The following CLEC11A variants were observed in gnomAD, a reference collection of about 807,000 sequenced individuals.
CLEC11A encodes the protein C-type lectin domain family 11 member A.
In CLEC11A, 35 loss-of-function variants were observed where a neutral mutation model predicts 33.9. The ratio of observed to expected loss-of-function variants is 1.03; its 90% CI spans 0.79 to 1.37. The LOEUF (loss-of-function observed/expected upper bound fraction) is 1.37, where lower values mean the gene tolerates loss of function less well. Among genes scored for constraint, CLEC11A ranks in the 40% most tolerant of loss-of-function variants. The probability of loss-of-function intolerance (pLI) is 0.00; values close to 1 mark genes in which losing one functional copy is unlikely to be tolerated. For synonymous variants in CLEC11A, 220 were observed against 202.2 expected (o/e 1.09, Z -0.75); for missense variants, 519 against 455.5 (o/e 1.14, Z -1.27).
rs1272015745 is a variant in CLEC11A, at chr19:50,724,980, A to C, written c.527-42A>C. On this transcript the variant is annotated intron_variant, in intron 3 of 3. Transcript: ENST00000250340. The surrounding 1 kb of genome is among the most constrained non-coding windows in gnomAD (Gnocchi z 4.1). The stretch of plus-strand genomic sequence containing the variant: ...GTCCTCGCCCCCTTCCAGACTCTGA[A>C]TGCATGACCCCGCCTCCTTCTCTAC... 12 of 1,439,306 alleles carry C rather than the reference A, an allele frequency of 8.3e-6. No homozygotes were observed. Among genetic ancestry groups the C allele is most frequent in the Non-Finnish European group, 1.0e-5 (11 of 1,099,674 alleles). The allele number at this position is 1,439,306 out of a possible 1,614,324, so 89.2% of individuals were successfully genotyped here.
At position 50,724,764 on chromosome 19, in the gene CLEC11A, G is replaced by A. The variant is rs555466506; in HGVS notation, c.526+163G>A. 2.6e-5 allele frequency among the ~76,000 whole-genome samples: 4 copies of A among 152,110 alleles called. No homozygotes were observed. The highest frequency in any genetic ancestry group is 2.6e-4 in the Admixed American group (4 of 15,304). Reference sequence around the variant, plus strand: ...GCTGGGAGGCTGAATGCAGGGAGCGGGTGGGCACTCCAGACCCGCGCGGAC... The same window carrying A: ...GCTGGGAGGCTGAATGCAGGGAGCGAGTGGGCACTCCAGACCCGCGCGGAC... On this transcript the variant is annotated intron_variant, in intron 3 of 3. Coordinates refer to ENST00000250340, the MANE Select transcript of CLEC11A (RefSeq NM_002975.3). This position sits in a 1 kb window ranked among gnomAD's most constrained non-coding sequence, Gnocchi z 4.1.
rs2089174637 is a variant in CLEC11A at position 50,725,084 on chromosome 19, C to G, written c.589C>G (p.Gln197Glu). The change falls in exon 4 of 4, where the codon CAG becomes GAG. Residue 197 changes from glutamine to glutamate, a missense_variant. By Grantham distance (29) the Gln-to-Glu change is conservative. Transcript: ENST00000250340. ...CFLLSRDFEAQAAAQARCTAR... is the reference protein window; with the variant it reads ...CFLLSRDFEAEAAAQARCTAR... ...CCTGCTCTCGCGCGACTTCGAAGCT[C>G]AGGCGGCGGCGCAGGCGCGGTGCAC... 9 of 1,521,880 alleles carry G rather than the reference C, an allele frequency of 5.9e-6. No homozygotes were observed. The highest frequency in any genetic ancestry group is 1.4e-5 in the African/African-American group (1 of 70,918). The allele number at this position is 1,521,880 out of a possible 1,614,324, so 94.3% of individuals were successfully genotyped here. A position where few individuals can be genotyped will look rare whatever the true frequency, so the allele number is the denominator to read the frequency against.
Position 50,723,673 on chromosome 19 carries a change from G to A in CLEC11A, c.147+1G>A. 6.3e-7 allele frequency: 1 copy of A among 1,580,572 alleles called. No homozygotes were observed. Among genetic ancestry groups the A allele is most frequent in the Non-Finnish European group, 8.6e-7 (1 of 1,165,118 alleles). Reference sequence around the variant, plus strand: ...GGAGAGGGAGGCCCTGATGCTGAAGGTGAGCTCTGGAGTGTCAGGGAGCTA... The same window carrying A: ...GGAGAGGGAGGCCCTGATGCTGAAGATGAGCTCTGGAGTGTCAGGGAGCTA... On this transcript the variant is annotated splice_donor_variant, in intron 1 of 3. Transcript: ENST00000250340. LOFTEE classifies it high-confidence loss of function. The surrounding 1 kb of genome is among the most constrained non-coding windows in gnomAD (Gnocchi z 4.1).
In CLEC11A at chr19:50,725,293, C is replaced by G; in HGVS notation, c.798C>G (p.Arg266=). Residue 266 remains arginine (R), a synonymous_variant, in exon 4 of 4, where the codon CGC becomes CGG. Coordinates refer to ENST00000250340, the MANE Select transcript of CLEC11A (RefSeq NM_002975.3). ...GCGTGTCCTTCTTCGCCTGGCATCGCTCACCCCGCCCCGAGCTCGGCGCCC... is the reference window on the plus strand; with the variant it reads ...GCGTGTCCTTCTTCGCCTGGCATCGGTCACCCCGCCCCGAGCTCGGCGCCC... The part of the protein sequence containing the change: ...GQRVSFFAWH[R]SPRPELGAQP... The G allele has an allele frequency of 1.9e-6, 3 of 1,612,094 alleles. No homozygotes were observed. Among genetic ancestry groups the G allele is most frequent in the Non-Finnish European group, 2.5e-6 (3 of 1,179,494 alleles).
chr19:50,724,459 T>A lies in CLEC11A; in HGVS notation c.384T>A (p.Arg128=). The A allele has an allele frequency of 6.4e-7, 1 of 1,569,894 alleles. No individual in the cohort carries two copies. Among genetic ancestry groups the A allele is most frequent in the South Asian group, 1.1e-5 (1 of 87,616 alleles). ...LDAGLHQLHV[R]LHALDTRVVE... is the part of the protein sequence containing the mutation. The stretch of plus-strand genomic sequence containing the variant: ...CAGGCCTGCACCAGCTGCACGTCCG[T>A]CTGCACGCGTTGGACACCCGCGTGG... Residue 128 remains arginine (R), a synonymous_variant, in exon 3 of 4, where the codon CGT becomes CGA. Transcript: ENST00000250340. This position sits in a 1 kb window ranked among gnomAD's most constrained non-coding sequence, Gnocchi z 4.1.
chr19:50,725,320 G>GC lies in CLEC11A; in HGVS notation c.828dup (p.Ser277GlnfsTer26), dbSNP rs1467173156. ...CACCCCGCCCCGAGCTCGGCGCCCA[G>GC]CCCAGCGCCTCGCCGCATCCGCTCA... On this transcript the variant is annotated frameshift_variant, in exon 4 of 4. Transcript: ENST00000250340. LOFTEE classifies it high-confidence loss of function. 1.9e-6 allele frequency: 3 copies of GC among 1,611,744 alleles called. No individual in the cohort carries two copies. In the Admixed American group the frequency reaches 5.0e-5, roughly 27 times the overall value.
Position 50,725,147 on chromosome 19 carries a change from CA to C in CLEC11A, c.653del (p.Gln218ArgfsTer187). The C allele has an allele frequency of 6.4e-7, 1 of 1,557,764 alleles. No homozygotes were observed. The highest frequency in any genetic ancestry group is 8.7e-7 in the Non-Finnish European group (1 of 1,152,992). On this transcript the variant is annotated frameshift_variant, in exon 4 of 4. Coordinates refer to ENST00000250340, the MANE Select transcript of CLEC11A (RefSeq NM_002975.3). LOFTEE classifies it high-confidence loss of function. ...GGSLAQPADR[Q>X]QMEALTRYLR... ...GAGCCTGGCGCAGCCGGCAGACCGCCAGCAGATGGAGGCGCTCACTCGGTAC... is the reference window on the plus strand; with the variant it reads ...GAGCCTGGCGCAGCCGGCAGACCGCCGCAGATGGAGGCGCTCACTCGGTAC...
Position 50,723,726 on chromosome 19 carries a change from G to C in CLEC11A, c.147+54G>C. 2.6e-6 allele frequency: 4 copies of C among 1,535,682 alleles called. No individual in the cohort carries two copies. Among genetic ancestry groups the C allele is most frequent in the Non-Finnish European group, 1.7e-6 (2 of 1,143,626 alleles). ...GGTGGTGAACTGTGGGTCTGGGAGGGGGTATTGCAAGGTTAGGGAAATGGA... is the reference window on the plus strand; with the variant it reads ...GGTGGTGAACTGTGGGTCTGGGAGGCGGTATTGCAAGGTTAGGGAAATGGA... On this transcript the variant is annotated intron_variant, in intron 1 of 3. Transcript: ENST00000250340. The surrounding 1 kb of genome is among the most constrained non-coding windows in gnomAD (Gnocchi z 4.1).
Position 50,724,318 on chromosome 19 carries a change from C to T in CLEC11A, c.335-92C>T. The T allele has an allele frequency of 8.1e-7, 1 of 1,238,756 alleles. No individual in the cohort carries two copies. Among genetic ancestry groups the T allele is most frequent in the Non-Finnish European group, 1.1e-6 (1 of 922,448 alleles). 76.7% of individuals were successfully genotyped at this position (1,238,756 alleles called of 1,614,324 possible). A position where few individuals can be genotyped will look rare whatever the true frequency, so the allele number is the denominator to read the frequency against. ...GTGCCCCCCCCACCGCCACCCCGCC[C>T]TCAGGAGCCCTAGATCCCAGTTCTC... On this transcript the variant is annotated intron_variant, in intron 2 of 3. Transcript: ENST00000250340. This position sits in a 1 kb window ranked among gnomAD's most constrained non-coding sequence, Gnocchi z 4.1.
Position 50,723,509 on chromosome 19 carries a change from G to T in CLEC11A, c.-17G>T, listed in dbSNP as rs1320193650. ...CATCCAGACATCTGGAACTTTGGGT[G>T]CCAAGAGTCCAGCTTAATGCAGGCA... On this transcript the variant is annotated 5_prime_UTR_variant, in exon 1 of 4. Transcript: ENST00000250340. The surrounding 1 kb of genome is among the most constrained non-coding windows in gnomAD (Gnocchi z 4.1). The T allele has an allele frequency of 6.2e-7, 1 of 1,611,792 alleles. No homozygotes were observed. Among genetic ancestry groups the T allele is most frequent in the South Asian group, 1.1e-5 (1 of 90,948 alleles).
rs73582909 is a variant in CLEC11A at position 50,724,728 on chromosome 19, G to T, written c.526+127G>T. On this transcript the variant is annotated intron_variant, in intron 3 of 3. Transcript: ENST00000250340. The surrounding 1 kb of genome is among the most constrained non-coding windows in gnomAD (Gnocchi z 4.1). ...GGAGAGCTGCTGTGTGCTAGCGGAC[G>T]GGGTTAGAGAGCTGGGAGGCTGAAT... is the stretch of plus-strand genomic sequence containing the variant. 4,779 of 1,200,620 alleles carry T rather than the reference G, an allele frequency of 4.0e-3. 145 individuals are homozygous for T. The African/African-American group carries it at 0.065, about 16-fold the overall frequency. 74.4% of individuals were successfully genotyped at this position (1,200,620 alleles called of 1,614,324 possible).
Position 50,723,424 on chromosome 19 carries a change from G to A in CLEC11A, c.-102G>A. 8.2e-7 allele frequency: 1 copy of A among 1,218,668 alleles called. No individual in the cohort carries two copies. The highest frequency in any genetic ancestry group is 1.2e-6 in the Non-Finnish European group (1 of 839,518). The allele number at this position is 1,218,668 out of a possible 1,614,324, so 75.5% of individuals were successfully genotyped here. A position where few individuals can be genotyped will look rare whatever the true frequency, so the allele number is the denominator to read the frequency against. On this transcript the variant is annotated 5_prime_UTR_variant, in exon 1 of 4. Coordinates refer to ENST00000250340, the MANE Select transcript of CLEC11A (RefSeq NM_002975.3). The surrounding 1 kb of genome is among the most constrained non-coding windows in gnomAD (Gnocchi z 4.1). Reference sequence around the variant, plus strand: ...GAGAATCGGGAACCTGGGGGCTAGTGACCTGCACACAGGGCAGGGGCACTC... The same window carrying A: ...GAGAATCGGGAACCTGGGGGCTAGTAACCTGCACACAGGGCAGGGGCACTC...
Position 50,723,405 on chromosome 19 carries a change from C to A in CLEC11A, c.-121C>A, listed in dbSNP as rs967059408. ...ACAGGAAGAGAGAAGCTGGGAGAAT[C>A]GGGAACCTGGGGGCTAGTGACCTGC... is the stretch of plus-strand genomic sequence containing the variant. On this transcript the variant is annotated 5_prime_UTR_variant, in exon 1 of 4. Transcript: ENST00000250340. This position sits in a 1 kb window ranked among gnomAD's most constrained non-coding sequence, Gnocchi z 4.1. 3.1e-6 allele frequency: 3 copies of A among 977,458 alleles called. No homozygotes were observed. The highest frequency in any genetic ancestry group is 4.7e-6 in the Non-Finnish European group (3 of 636,044). 60.5% of individuals were successfully genotyped at this position (977,458 alleles called of 1,614,324 possible). A position where few individuals can be genotyped will look rare whatever the true frequency, so the allele number is the denominator to read the frequency against.
In CLEC11A at chr19:50,724,975, T is replaced by G. The variant is rs1055558499; in HGVS notation, c.527-47T>G. ...GTTTTGTCCTCGCCCCCTTCCAGAC[T>G]CTGAATGCATGACCCCGCCTCCTTC... is the stretch of plus-strand genomic sequence containing the variant. On this transcript the variant is annotated intron_variant, in intron 3 of 3. Transcript: ENST00000250340. This position sits in a 1 kb window ranked among gnomAD's most constrained non-coding sequence, Gnocchi z 4.1. The G allele has an allele frequency of 4.3e-5, 60 of 1,391,512 alleles. No homozygotes were observed. The highest frequency in any genetic ancestry group is 2.9e-4 in the African/African-American group (18 of 61,416). 86.2% of individuals were successfully genotyped at this position (1,391,512 alleles called of 1,614,324 possible).
In CLEC11A at chr19:50,725,642, AGT is replaced by A. The variant is rs1248124549; in HGVS notation, c.*178_*179del. On this transcript the variant is annotated 3_prime_UTR_variant, in exon 4 of 4. Coordinates refer to ENST00000250340, the MANE Select transcript of CLEC11A (RefSeq NM_002975.3). Reference sequence around the variant, plus strand: ...TGCGGTGCCGGCACTCCTCCTTGTTAGTGTCTTTCCTTGAAGGGGCGGGCACC... The same window carrying A: ...TGCGGTGCCGGCACTCCTCCTTGTTAGTCTTTCCTTGAAGGGGCGGGCACC... 2 of 1,199,154 alleles carry A rather than the reference AGT, an allele frequency of 1.7e-6. No individual in the cohort carries two copies. Among genetic ancestry groups the A allele is most frequent in the African/African-American group, 3.1e-5 (2 of 64,802 alleles). The allele number at this position is 1,199,154 out of a possible 1,614,324, so 74.3% of individuals were successfully genotyped here. A position where few individuals can be genotyped will look rare whatever the true frequency, so the allele number is the denominator to read the frequency against.
chr19:50,725,231 C>A lies in CLEC11A; in HGVS notation c.736C>A (p.Arg246Ser). 1 of 1,600,896 alleles carries A rather than the reference C, an allele frequency of 6.2e-7. No homozygotes were observed. The highest frequency in any genetic ancestry group is 1.3e-5 in the African/African-American group (1 of 74,810). ...CGTGTGGCTGGGCGTGCACGATCGG[C>A]GCGCCGAGGGCCTCTACCTCTTCGA... ...WPVWLGVHDR[R>S]AEGLYLFENG... Residue 246 changes from arginine to serine, a missense_variant, in exon 4 of 4, where the codon CGC (arginine) becomes AGC (serine). Physicochemically the swap from Arg to Ser is moderately radical, Grantham distance 110. Transcript: ENST00000250340.
Position 50,724,657 on chromosome 19 carries a change from G to T in CLEC11A, c.526+56G>T. 7.3e-7 allele frequency: 1 copy of T among 1,364,470 alleles called. No homozygotes were observed. 84.5% of individuals were successfully genotyped at this position (1,364,470 alleles called of 1,614,324 possible). ...ATGAGACTATCTGGGCCAGGAATGG[G>T]ACTGGTTGAGAAGGTGACCCTAGGT... On this transcript the variant is annotated intron_variant, in intron 3 of 3. Coordinates refer to ENST00000250340, the MANE Select transcript of CLEC11A (RefSeq NM_002975.3). The surrounding 1 kb of genome is among the most constrained non-coding windows in gnomAD (Gnocchi z 4.1).
At position 50,723,541 on chromosome 19, in the gene CLEC11A, C is replaced by T. The variant is rs200685193; in HGVS notation, c.16C>T (p.Leu6Phe). ...GTCCAGCTTAATGCAGGCAGCCTGG[C>T]TTTTGGGGGCTTTGGTGGTCCCCCA... MQAAW[L>F]LGALVVPQLL... The change falls in exon 1 of 4, where the codon CTT (leucine) becomes TTT (phenylalanine). Residue 6 changes from leucine to phenylalanine, a missense_variant. Transcript: ENST00000250340. The surrounding 1 kb of genome is among the most constrained non-coding windows in gnomAD (Gnocchi z 4.1). 6.2e-7 allele frequency: 1 copy of T among 1,612,186 alleles called. No individual in the cohort carries two copies. Among genetic ancestry groups the T allele is most frequent in the African/African-American group, 1.3e-5 (1 of 74,826 alleles).
In CLEC11A at chr19:50,724,012, A is replaced by AGAG. The variant is rs368263729; in HGVS notation, c.264_266dup (p.Glu89dup). 3.7e-6 allele frequency: 6 copies of AGAG among 1,612,026 alleles called. No individual in the cohort carries two copies. The African/African-American group carries it at 4.0e-5, about 11-fold the overall frequency. On this transcript the variant is annotated inframe_insertion, in exon 2 of 4. Coordinates refer to ENST00000250340, the MANE Select transcript of CLEC11A (RefSeq NM_002975.3). The surrounding 1 kb of genome is among the most constrained non-coding windows in gnomAD (Gnocchi z 4.1). ...AGATGGAGGAGGACCAGGGGGAGGA[A>AGAG]GAGGAGGAGGAAGCAACGCCAACCC...
Sources: allele counts gnomAD v4.1 joint callset (sites outside exome capture counted in the v4.1 genomes callset), GRCh38; gene constraint gnomAD v4.1.1; non-coding constraint Gnocchi (gnomAD v3.1); transcripts MANE v1.5; gene names NCBI Gene and HGNC (gene_info 2026-07-23, HGNC 2026-07-21).